DPYD: variants seen among roughly 807,000 people sequenced by gnomAD.
The protein encoded by DPYD is dihydropyrimidine dehydrogenase, also known as dihydropyrimidine dehydrogenase [NADP(+)].
A neutral mutation model predicts 116.2 loss-of-function variants in DPYD; 109 were observed. The ratio of observed to expected loss-of-function variants is 0.94; its 90% CI spans 0.80 to 1.10. The LOEUF is 1.10. Ranked by LOEUF, DPYD falls within the 50% of genes least tolerant of loss-of-function variation. DPYD has a pLI of 0.00. For synonymous variants in DPYD, 440 were observed against 432.0 expected, an observed-to-expected ratio of 1.02 and a Z score of -0.23; for missense variants, 1,302 against 1,254.5, an observed-to-expected ratio of 1.04 and a Z score of -0.57.
At chr1:97,614,063 T>C (rs533874859) in intron 8 of DPYD, among the ~76,000 whole-genome samples, 3 of 152,180 alleles carry the variant, frequency 2.0e-5, no homozygotes, top group South Asian at 2.1e-4. Flanking sequence ...GTTCCACACA[T>C]GGTATTGGGA....
At position 97,375,933 on chromosome 1, in the gene DPYD, T is replaced by C. The variant is rs115430826; in HGVS notation, c.1975-2289A>G. On this transcript the variant is annotated intron_variant, in intron 15 of 22. Transcript: ENST00000370192. ...AATAAGGCTTTGCATAATAATTTTATACATATTTACATTATGCATATTTCA... is the reference window on the plus strand; with the variant it reads ...AATAAGGCTTTGCATAATAATTTTACACATATTTACATTATGCATATTTCA... Among the ~76,000 whole-genome samples the C allele has an allele frequency of 3.5e-3, 528 of 152,356 alleles. 2 individuals carry two copies. Among genetic ancestry groups the C allele is most frequent in the African/African-American group, 0.012 (512 of 41,582 alleles).
chr1:97,114,438 C>A (rs942116752), intron 20 of DPYD, among the ~76,000 whole-genome samples: 1 of 152,126 alleles, frequency 6.6e-6, no homozygotes, highest in Non-Finnish European at 1.5e-5. Flanking sequence ...TTTGTTCCTT[C>A]AAAGAAACTC....
chr1:97,551,718 A>G (rs1221949288), intron 11 of DPYD, among the ~76,000 whole-genome samples: 1 of 152,122 alleles, frequency 6.6e-6, no homozygotes, highest in African/African-American at 2.4e-5. Context: ...TGAGTCCCAC[A>G]ACATAAATTA....
chr1:97,458,381 CAT>C (rs1307877066), intron 13 of DPYD, among the ~76,000 whole-genome samples: 2 of 152,074 alleles, frequency 1.3e-5, no homozygotes, highest in East Asian at 3.9e-4. Flanking sequence ...CAATATAACA[CAT>C]ATAAACCTAC....
intron 8 of DPYD, among the ~76,000 whole-genome samples, chr1:97,607,337 AT>A (rs200437222): frequency 2.6e-5 from 4 of 151,112 alleles, no homozygotes; most frequent in South Asian, 2.1e-4. Flanking sequence ...CTCCATTCTA[AT>A]TTTTTTTTAT....
chr1:97,841,340 A>G (rs2101534779), intron 2 of DPYD, among the ~76,000 whole-genome samples: 1 of 152,194 alleles, frequency 6.6e-6, no homozygotes, highest in South Asian at 2.1e-4. Context: ...AGATTGACCA[A>G]AAGATTAGTG....
intron 20 of DPYD, among the ~76,000 whole-genome samples, chr1:97,167,027 A>AT (rs200623627): frequency 2.0e-5 from 3 of 152,172 alleles, no homozygotes; most frequent in Non-Finnish European, 4.4e-5. Context: ...AGAAATAGGA[A>AT]TTTTTTTTAT....
chr1:97,642,637 A>G (rs572581941), intron 8 of DPYD, among the ~76,000 whole-genome samples: 13 of 150,386 alleles, frequency 8.6e-5, no homozygotes, highest in Non-Finnish European at 1.8e-4. Flanking sequence ...AAGAACAAAA[A>G]ACCAAACACC....
chr1:97,811,138 A>G (rs1360307181), intron 3 of DPYD, among the ~76,000 whole-genome samples: 1 of 152,002 alleles, frequency 6.6e-6, no homozygotes, highest in Non-Finnish European at 1.5e-5. Context: ...ATCTTCCTAT[A>G]ATTTGTTGAA....
chr1:97,481,600 A>G (rs1678320352), intron 13 of DPYD, among the ~76,000 whole-genome samples: 1 of 152,184 alleles, frequency 6.6e-6, no homozygotes, highest in Non-Finnish European at 1.5e-5. Context: ...AGCTATTGAA[A>G]AAGTGAGTTA....
In DPYD at chr1:97,877,542, A is replaced by G. The variant is rs545668007; in HGVS notation, c.150+5722T>C. Among the ~76,000 whole-genome samples the G allele has an allele frequency of 2.0e-5, 3 of 152,176 alleles. No homozygotes were observed. In the East Asian group the frequency reaches 5.8e-4, roughly 30 times the overall value. ...TCTATACAAACACTGCATTTTTCAC[A>G]TACTGAAAGAGGTATTTAGTTGCAA... On this transcript the variant is annotated intron_variant, in intron 2 of 22. Transcript: ENST00000370192.
At chr1:97,315,348 C>T (rs150880168) in intron 16 of DPYD, among the ~76,000 whole-genome samples, 13 of 151,966 alleles carry the variant, frequency 8.6e-5, no homozygotes, top group East Asian at 7.8e-4. Context: ...TAGCTATTTC[C>T]GGTGAATGTG....
chr1:97,851,120 A>T (rs1344330240), intron 2 of DPYD, among the ~76,000 whole-genome samples: 2 of 151,986 alleles, frequency 1.3e-5, no homozygotes, highest in African/African-American at 4.8e-5. Context: ...TATTTGAAGA[A>T]CAGATAGCCA....
chr1:97,528,018 T>C (rs147094464), intron 12 of DPYD, among the ~76,000 whole-genome samples: 1 of 152,298 alleles, frequency 6.6e-6, no homozygotes, highest in East Asian at 1.9e-4. Flanking sequence ...ATTCTGAAAT[T>C]ATTTTAAGGA....
chr1:97,464,872 G>A (rs554269682), intron 13 of DPYD, among the ~76,000 whole-genome samples: 1 of 152,268 alleles, frequency 6.6e-6, no homozygotes, highest in East Asian at 1.9e-4. Flanking sequence ...TAGTGGAGCT[G>A]TGAGAAGAGG....
At chr1:97,920,769 T>G in intron 1 of DPYD, 115 bp downstream of exon 1, 1 of 1,423,026 alleles carries the variant, frequency 7.0e-7, no homozygotes. Context: ...GGGGGAAACT[T>G]TCCCGCGTCT....
intron 18 of DPYD, among the ~76,000 whole-genome samples, chr1:97,292,825 C>G (rs555220961): frequency 2.6e-5 from 4 of 151,804 alleles, no homozygotes; most frequent in Non-Finnish European, 5.9e-5. Context: ...TCTGGGAACA[C>G]TAGGGTAAAA....
intron 16 of DPYD, among the ~76,000 whole-genome samples, chr1:97,349,023 G>T (rs74104374): frequency 6.6e-6 from 1 of 152,136 alleles, no homozygotes; most frequent in African/African-American, 2.4e-5. Flanking sequence ...TTACAGAAAA[G>T]CTACGGAGTA....
intron 8 of DPYD, among the ~76,000 whole-genome samples, chr1:97,639,342 A>G (rs1657748581): frequency 6.6e-6 from 1 of 152,184 alleles, no homozygotes; most frequent in Non-Finnish European, 1.5e-5. Flanking sequence ...TGTGTGTACT[A>G]AATTAAAAAT....
Sources: gnomAD v4.1 joint callset for allele counts (sites outside exome capture counted in the v4.1 genomes callset) on GRCh38, gnomAD v4.1.1 for gene constraint, MANE v1.5 for transcripts, NCBI Gene and HGNC (gene_info 2026-07-23, HGNC 2026-07-21) for gene names.